Variants in NLK observed in about 807,000 individuals in gnomAD.
NLK encodes the protein nemo like kinase, also known as serine/threonine-protein kinase NLK.
Under a neutral mutation model 59.0 loss-of-function variants are expected in NLK, and 11 were observed. That is an observed-to-expected ratio of 0.19 (90% CI 0.12 to 0.31). The LOEUF (loss-of-function observed/expected upper bound fraction) is 0.31. NLK is among the 10% of genes least tolerant of loss of function. The probability of loss-of-function intolerance (pLI) is 1.00; values close to 1 mark genes in which losing one functional copy is unlikely to be tolerated. For missense variants in NLK, 410 were observed against 661.1 expected, an observed-to-expected ratio of 0.62 and a Z score of 4.16; for synonymous variants, 235 against 235.9, an observed-to-expected ratio of 1.00 and a Z score of 0.03.
At chr17:28,074,525 T>G (rs983253671) in intron 1 of NLK, among the ~76,000 whole-genome samples, 8 of 152,204 alleles carry the variant, frequency 5.3e-5, no homozygotes, top group Non-Finnish European at 1.2e-4. Flanking sequence ...TTGAGGAGGT[T>G]GTTTTTCTCC....
In NLK at chr17:28,085,509, G is replaced by A. The variant is rs539172997; in HGVS notation, c.459-37094G>A. Reference sequence around the variant, plus strand: ...AATCCCAGCACTTTGGGAGGCCGAGGTGGGTGCATCACTTGAGGCCAAGAG... The same window carrying A: ...AATCCCAGCACTTTGGGAGGCCGAGATGGGTGCATCACTTGAGGCCAAGAG... On this transcript the variant is annotated intron_variant, in intron 1 of 10. Transcript: ENST00000407008. Among the ~76,000 whole-genome samples the A allele has an allele frequency of 2.4e-4, 36 of 152,306 alleles. No homozygotes were observed. In the South Asian group the frequency reaches 4.4e-3, roughly 18 times the overall value.
At chr17:28,107,521 G>A (rs1402562652) in intron 1 of NLK, among the ~76,000 whole-genome samples, 1 of 152,130 alleles carries the variant, frequency 6.6e-6, no homozygotes, top group Non-Finnish European at 1.5e-5. Context: ...TTGTGAGGCA[G>A]ACAGGTATGG....
intron 8 of NLK, among the ~76,000 whole-genome samples, chr17:28,186,230 C>T (rs1337337410): frequency 1.3e-5 from 2 of 152,148 alleles, no homozygotes; most frequent in African/African-American, 4.8e-5. Flanking sequence ...GCAACTTTCT[C>T]AGAAGATATC....
intron 1 of NLK, among the ~76,000 whole-genome samples, chr17:28,073,985 C>T (rs960912515): frequency 1.3e-5 from 2 of 152,188 alleles, no homozygotes; most frequent in African/African-American, 4.8e-5. Flanking sequence ...TTTTAAGCTT[C>T]TAGCTAGGAC....
intron 1 of NLK, among the ~76,000 whole-genome samples, chr17:28,082,693 C>G (rs962531983): frequency 3.9e-5 from 6 of 152,136 alleles, no homozygotes; most frequent in African/African-American, 1.4e-4. Context: ...AGTTGATGCC[C>G]AAAAGGGTTT....
intron 1 of NLK, among the ~76,000 whole-genome samples, chr17:28,117,483 G>A (rs1380057103): frequency 1.3e-5 from 2 of 152,098 alleles, no homozygotes. Context: ...GCCCAGTGCT[G>A]TCTTATCTGC....
intron 1 of NLK, among the ~76,000 whole-genome samples, chr17:28,106,789 A>G (rs1905141225): frequency 6.6e-6 from 1 of 152,212 alleles, no homozygotes; most frequent in Non-Finnish European, 1.5e-5. Flanking sequence ...ACTACTTGAA[A>G]GACATAAAAA....
chr17:28,067,162 C>T (rs1469234142), intron 1 of NLK, among the ~76,000 whole-genome samples: 1 of 152,164 alleles, frequency 6.6e-6, no homozygotes, highest in African/African-American at 2.4e-5. Context: ...AATCTAGAAA[C>T]TCTTTGCCTG....
At chr17:28,198,313 T>A (rs141857727), downstream of NLK, among the ~76,000 whole-genome samples, 859 of 152,058 alleles carry the variant, frequency 5.6e-3, 10 homozygotes, top group African/African-American at 0.02. Context: ...GCACGTATAC[T>A]TTTAAGAGAG....
chr17:28,150,972 C>T (rs865785348), intron 3 of NLK, among the ~76,000 whole-genome samples: 2 of 152,294 alleles, frequency 1.3e-5, no homozygotes, highest in South Asian at 2.1e-4. Flanking sequence ...AGTGGGTACA[C>T]CAGCTGTTGG....
At chr17:28,200,506 G>A (rs1815576729), downstream of NLK, among the ~76,000 whole-genome samples, 1 of 152,010 alleles carries the variant, frequency 6.6e-6, no homozygotes, top group African/African-American at 2.4e-5. Context: ...TGTTTTGAGA[G>A]GGAGTCTCGT....
chr17:28,069,966 T>C (rs1438778624), intron 1 of NLK, among the ~76,000 whole-genome samples: 1 of 152,150 alleles, frequency 6.6e-6, no homozygotes, highest in Non-Finnish European at 1.5e-5. Flanking sequence ...CTGGGCATGG[T>C]GTTTCGTGCC....
intron 1 of NLK, among the ~76,000 whole-genome samples, chr17:28,105,453 G>T (rs1905044262): frequency 6.6e-6 from 1 of 151,976 alleles, no homozygotes. Flanking sequence ...ATTGTTGTTT[G>T]ATCCAAAGAC....
chr17:28,174,985 A>ATTTTTTTTT (rs750590388), intron 7 of NLK, among the ~76,000 whole-genome samples: 1 of 131,326 alleles, frequency 7.6e-6, no homozygotes, highest in Admixed American at 7.6e-5. Flanking sequence ...AGCCACCTGG[A>ATTTTTTTTT]TTTTTTTTTT....
At chr17:28,090,163 T>A (rs1904436316) in intron 1 of NLK, among the ~76,000 whole-genome samples, 1 of 152,236 alleles carries the variant, frequency 6.6e-6, no homozygotes, top group Admixed American at 6.5e-5. Context: ...GGTATACATC[T>A]TTAACCTATC....
At chr17:28,203,697 T>C in the NLK span, among the ~76,000 whole-genome samples, 1 of 152,070 alleles carries the variant, frequency 6.6e-6, no homozygotes, top group Non-Finnish European at 1.5e-5. Context: ...CCACCACGCC[T>C]GGCTAATTTT....
chr17:28,189,898 C>T (rs1909249189), intron 8 of NLK, among the ~76,000 whole-genome samples: 1 of 152,090 alleles, frequency 6.6e-6, no homozygotes, highest in South Asian at 2.1e-4. Flanking sequence ...AGATAAACAC[C>T]CGCTTTCTTC....
At chr17:28,166,718 G>C (rs978313953) in intron 5 of NLK, among the ~76,000 whole-genome samples, 24 of 152,150 alleles carry the variant, frequency 1.6e-4, no homozygotes, top group Admixed American at 1.6e-3. Context: ...GTAGTTGCTG[G>C]TGGTGGCACG....
chr17:28,067,401 A>G lies in NLK; in HGVS notation c.458+24070A>G, dbSNP rs1243547000. ...TGCTTGCACACAAAGTCAGCATTCT[A>G]ATGCACTTTCATGGAGTCAAATTTG... On this transcript the variant is annotated intron_variant, in intron 1 of 10. Coordinates refer to ENST00000407008, the MANE Select transcript of NLK (RefSeq NM_016231.5). 5.3e-5 allele frequency among the ~76,000 whole-genome samples: 8 copies of G among 152,262 alleles called. No homozygotes were observed. In the East Asian group the frequency reaches 1.5e-3, roughly 29 times the overall value.
Sources: allele counts gnomAD v4.1 joint callset (sites outside exome capture counted in the v4.1 genomes callset), GRCh38; gene constraint gnomAD v4.1.1; transcripts MANE v1.5; gene names NCBI Gene and HGNC (gene_info 2026-07-23, HGNC 2026-07-21).